The following R3HDM2 variants were observed in gnomAD, a reference collection of about 807,000 sequenced individuals.
R3HDM2 encodes the protein R3H domain containing 2, also known as R3H domain-containing protein 2.
R3HDM2 carries 38 observed loss-of-function variants against 124.5 expected under a neutral mutation model. The ratio of observed to expected loss-of-function variants is 0.31; its 90% CI spans 0.24 to 0.40. The LOEUF (loss-of-function observed/expected upper bound fraction) is 0.40, where lower values mean the gene tolerates loss of function less well. Among genes scored for constraint, R3HDM2 ranks in the 10% least tolerant of loss-of-function variants. R3HDM2 has a pLI of 1.00. For synonymous variants in R3HDM2, 391 were observed against 448.0 expected (o/e 0.87, Z 1.61); for missense variants, 869 against 1,236.9 (o/e 0.70, Z 4.46).
chr12:57,326,686 A>G (rs2057352806), intron 2 of R3HDM2, among the ~76,000 whole-genome samples: 3 of 152,260 alleles, frequency 2.0e-5, no homozygotes, highest in Admixed American at 2.0e-4. Flanking sequence ...ATTTCAGTGT[A>G]GACAAAAGAG....
In R3HDM2 at chr12:57,266,853, G is replaced by C. The variant is rs140559300; in HGVS notation, c.2031-22C>G. ...AGGGCTGGGAAGACAGAGAAGAGAG[G>C]AGTGGTGAAGCAGTAGAGGGATGAA... On this transcript the variant is annotated intron_variant, in intron 18 of 23. Transcript: ENST00000402412. The C allele has an allele frequency of 5.3e-6, 8 of 1,509,566 alleles. No individual in the cohort carries two copies. The East Asian group carries it at 1.6e-4, about 30-fold the overall frequency. The allele number at this position is 1,509,566 out of a possible 1,614,324, so 93.5% of individuals were successfully genotyped here.
At chr12:57,317,965 G>T (rs2055512011) in intron 2 of R3HDM2, among the ~76,000 whole-genome samples, 1 of 148,148 alleles carries the variant, frequency 6.8e-6, no homozygotes. Context: ...GGGCAACAGA[G>T]CGAGACTCCG....
At chr12:57,368,784 T>C (rs547441380) in intron 2 of R3HDM2, among the ~76,000 whole-genome samples, 152 of 152,272 alleles carry the variant, frequency 1.0e-3, no homozygotes, top group African/African-American at 3.5e-3. Context: ...TCTGTCTCCC[T>C]TCACTGTAAG....
chr12:57,272,508 G>A, intron 14 of R3HDM2: 1 of 1,547,762 alleles, frequency 6.5e-7, no homozygotes, highest in Non-Finnish European at 8.7e-7. Context: ...ACAGGAGCTT[G>A]GAGAGAACTG....
At chr12:57,349,393 A>AC (rs1459570643) in intron 2 of R3HDM2, among the ~76,000 whole-genome samples, 1 of 149,604 alleles carries the variant, frequency 6.7e-6, no homozygotes, top group Admixed American at 6.7e-5. Flanking sequence ...AAAAAAAAAA[A>AC]AAAAAAAAAA....
intron 2 of R3HDM2, among the ~76,000 whole-genome samples, chr12:57,371,256 G>C (rs2063348400): frequency 6.6e-6 from 1 of 151,212 alleles, no homozygotes; most frequent in African/African-American, 2.4e-5. Flanking sequence ...AAGAAGTAAA[G>C]AACACAGGAG....
In R3HDM2 at chr12:57,414,728, G is replaced by T. The variant is rs12296737; in HGVS notation, c.-106+15992C>A. Among the ~76,000 whole-genome samples the T allele has an allele frequency of 8.2e-3, 1,251 of 151,672 alleles. 16 individuals are homozygous for T. Among genetic ancestry groups the T allele is most frequent in the African/African-American group, 0.028 (1,168 of 41,350 alleles). On this transcript the variant is annotated intron_variant, in intron 1 of 23. Coordinates refer to ENST00000402412, the MANE Select transcript of R3HDM2 (RefSeq NM_001394031.1). Reference sequence around the variant, plus strand: ...AGTGCCTTGAATCCCAGCTACTCGGGAGTCTGAGGCAGGAGAATCACTTGT... The same window carrying T: ...AGTGCCTTGAATCCCAGCTACTCGGTAGTCTGAGGCAGGAGAATCACTTGT...
At chr12:57,271,632 G>A (rs970822638) in intron 14 of R3HDM2, among the ~76,000 whole-genome samples, 3 of 152,188 alleles carry the variant, frequency 2.0e-5, no homozygotes, top group African/African-American at 7.2e-5. Context: ...AATCAACATG[G>A]AAATAAGAGG....
At chr12:57,322,020 G>T (rs1341060084) in intron 2 of R3HDM2, among the ~76,000 whole-genome samples, 1 of 152,192 alleles carries the variant, frequency 6.6e-6, no homozygotes, top group Non-Finnish European at 1.5e-5. Flanking sequence ...ACGAGGCCAG[G>T]AGTTCGAGAC....
rs777664441 is a variant in R3HDM2, at chr12:57,301,043, G to A, written c.208-862C>T. Among the ~76,000 whole-genome samples the A allele has an allele frequency of 2.0e-4, 30 of 152,022 alleles. 1 individual carries two copies. Among genetic ancestry groups the A allele is most frequent in the Admixed American group, 1.8e-3 (28 of 15,254 alleles). On this transcript the variant is annotated intron_variant, in intron 4 of 23. Coordinates refer to ENST00000402412, the MANE Select transcript of R3HDM2 (RefSeq NM_001394031.1). ...TGCTTGAGCCTGGGAGGTTGAGGCT[G>A]CAGTGAGCTGTGATCATGCCACTGT...
chr12:57,263,295 A>G (rs1390604176), intron 19 of R3HDM2, among the ~76,000 whole-genome samples: 2 of 152,184 alleles, frequency 1.3e-5, no homozygotes, highest in Non-Finnish European at 2.9e-5. Context: ...CAGCACCACC[A>G]TAGGCTACAG....
intron 2 of R3HDM2, among the ~76,000 whole-genome samples, chr12:57,361,227 G>A (rs2061919758): frequency 6.7e-6 from 1 of 150,092 alleles, no homozygotes; most frequent in Non-Finnish European, 1.5e-5. Context: ...AATACAAAAT[G>A]AGCCGAGCAT....
chr12:57,288,853 G>A (rs1272633909), intron 12 of R3HDM2, 156 bp downstream of exon 12: 7 of 1,545,568 alleles, frequency 4.5e-6, no homozygotes, highest in Non-Finnish European at 6.1e-6. Flanking sequence ...TCACACAGAG[G>A]TACCTAAAAA....
At position 57,318,155 on chromosome 12, in the gene R3HDM2, TG is replaced by T. The variant is rs551499348; in HGVS notation, c.-35-7693del. On this transcript the variant is annotated intron_variant, in intron 2 of 23. Transcript: ENST00000402412. ...AAATACAAAAATTAGCCGGGCATGG[TG>T]GGGTGTCTGCCTGTAATTCCAGCTA... Among the ~76,000 whole-genome samples, 10 of 149,454 alleles carry T rather than the reference TG, an allele frequency of 6.7e-5. No individual in the cohort carries two copies. The East Asian group carries it at 1.6e-3, about 24-fold the overall frequency.
In R3HDM2 at chr12:57,379,763, A is replaced by T. The variant is rs1441296163; in HGVS notation, c.-36+15986T>A. On this transcript the variant is annotated intron_variant, in intron 2 of 23. Coordinates refer to ENST00000402412, the MANE Select transcript of R3HDM2 (RefSeq NM_001394031.1). Reference sequence around the variant, plus strand: ...GGTTATCTAATATTCCAACATCAAAATATAAGCCTATATATGTAATATATA... The same window carrying T: ...GGTTATCTAATATTCCAACATCAAATTATAAGCCTATATATGTAATATATA... 1.3e-5 allele frequency among the ~76,000 whole-genome samples: 2 copies of T among 152,152 alleles called. 1 individual carries two copies. The highest frequency in any genetic ancestry group is 1.3e-4 in the Admixed American group (2 of 15,244).
chr12:57,417,455 A>G (rs2069755271), intron 1 of R3HDM2, among the ~76,000 whole-genome samples: 1 of 152,122 alleles, frequency 6.6e-6, no homozygotes, highest in Non-Finnish European at 1.5e-5. Flanking sequence ...GATGATGGTC[A>G]TATAATCTAA....
chr12:57,349,515 A>C (rs998153962), intron 2 of R3HDM2, among the ~76,000 whole-genome samples: 1 of 151,212 alleles, frequency 6.6e-6, no homozygotes, highest in Non-Finnish European at 1.5e-5. Context: ...ATATTTTTCT[A>C]ATTCAGTTGT....
intron 1 of R3HDM2, among the ~76,000 whole-genome samples, chr12:57,407,903 C>T (rs2068671322): frequency 6.6e-6 from 1 of 151,874 alleles, no homozygotes; most frequent in African/African-American, 2.4e-5. Flanking sequence ...TAGCTGGGGA[C>T]TACAGGTGCG....
intron 2 of R3HDM2, among the ~76,000 whole-genome samples, chr12:57,312,798 C>T (rs183112130): frequency 5.3e-4 from 81 of 151,830 alleles, no homozygotes; most frequent in Non-Finnish European, 9.9e-4. Context: ...GGCTCAATTG[C>T]GCTCAATTGC....
Sources: allele counts gnomAD v4.1 joint callset (sites outside exome capture counted in the v4.1 genomes callset), GRCh38; gene constraint gnomAD v4.1.1; transcripts MANE v1.5; gene names NCBI Gene and HGNC (gene_info 2026-07-23, HGNC 2026-07-21).